ZSCAN25: variants seen among roughly 807,000 people sequenced by gnomAD.
ZSCAN25 encodes zinc finger and SCAN domain containing 25.
A neutral mutation model predicts 38.7 loss-of-function variants in ZSCAN25; 27 were observed. That is an observed-to-expected ratio of 0.70 (90% CI 0.51 to 0.96). The LOEUF (loss-of-function observed/expected upper bound fraction) is 0.96. Among genes scored for constraint, ZSCAN25 ranks in the 40% least tolerant of loss-of-function variants. The probability of loss-of-function intolerance (pLI) is 0.00; values close to 1 mark genes in which losing one functional copy is unlikely to be tolerated. For missense variants in ZSCAN25, 637 were observed against 705.9 expected (o/e 0.90, Z 1.11); for synonymous variants, 273 against 277.7 (o/e 0.98, Z 0.17).
At chr7:99,635,408 A>G (rs1361821960), downstream of ZSCAN25, among the ~76,000 whole-genome samples, 1 of 152,000 alleles carries the variant, frequency 6.6e-6, no homozygotes, top group African/African-American at 2.4e-5. Context: ...TTAGATTATA[A>G]TTTTTTTCTG....
the ZSCAN25 span, among the ~76,000 whole-genome samples, chr7:99,732,661 A>G: frequency 6.6e-6 from 1 of 152,156 alleles, no homozygotes; most frequent in Non-Finnish European, 1.5e-5. Context: ...GATGAAGCAG[A>G]AAAGTTGATG....
the ZSCAN25 span, among the ~76,000 whole-genome samples, chr7:99,652,018 C>A: frequency 1.3e-5 from 2 of 152,002 alleles, no homozygotes; most frequent in South Asian, 2.1e-4. Flanking sequence ...ACGTTGAAAG[C>A]AAATGGAATG....
Position 99,630,324 on chromosome 7 carries a change from G to A in ZSCAN25, c.*304G>A. 8.6e-7 allele frequency: 1 copy of A among 1,169,326 alleles called. No individual in the cohort carries two copies. Among genetic ancestry groups the A allele is most frequent in the Non-Finnish European group, 1.1e-6 (1 of 945,422 alleles). 72.4% of individuals were successfully genotyped at this position (1,169,326 alleles called of 1,614,324 possible). A position where few individuals can be genotyped will look rare whatever the true frequency, so the allele number is the denominator to read the frequency against. On this transcript the variant is annotated 3_prime_UTR_variant, in exon 8 of 8. Transcript: ENST00000394152. ...GTGTCCCCCTGCCGAACAAAGCTGG[G>A]AGTAAAGGCAAAACCTTGACACGTG...
chr7:99,663,514 T>G, the ZSCAN25 span: 2 of 991,406 alleles, frequency 2.0e-6, no homozygotes, highest in Non-Finnish European at 2.4e-6. Context: ...ACACTCACAT[T>G]TACCACACAC....
At chr7:99,704,675 C>T in the ZSCAN25 span, among the ~76,000 whole-genome samples, 2 of 151,956 alleles carry the variant, frequency 1.3e-5, no homozygotes, top group Non-Finnish European at 2.9e-5. Context: ...TGTTAATAAT[C>T]AAATTGGGCT....
At chr7:99,633,175 A>G (rs1397151577), downstream of ZSCAN25, among the ~76,000 whole-genome samples, 1 of 152,110 alleles carries the variant, frequency 6.6e-6, no homozygotes, top group Non-Finnish European at 1.5e-5. Context: ...TTCTGTTTGC[A>G]TACCCATGGC....
At chr7:99,682,358 A>G in the ZSCAN25 span, among the ~76,000 whole-genome samples, 5 of 152,240 alleles carry the variant, frequency 3.3e-5, no homozygotes, top group Non-Finnish European at 5.9e-5. Flanking sequence ...GTTAAAATCC[A>G]GCTTTCCCAG....
At chr7:99,619,219 C>T (rs1806715148) in intron 3 of ZSCAN25, 87 bp downstream of exon 3, 1 of 178,248 alleles carries the variant, frequency 5.6e-6, no homozygotes, top group African/African-American at 2.4e-5. Flanking sequence ...TTGTGTGTTG[C>T]ATGTATGTTT....
the ZSCAN25 span, among the ~76,000 whole-genome samples, chr7:99,685,747 GC>G: frequency 6.6e-6 from 1 of 152,274 alleles, no homozygotes; most frequent in East Asian, 1.9e-4. Flanking sequence ...ACTTTTCAAG[GC>G]TTGTCCTACC....
the ZSCAN25 span, among the ~76,000 whole-genome samples, chr7:99,729,441 A>C: frequency 1.3e-4 from 19 of 151,848 alleles, no homozygotes; most frequent in African/African-American, 4.4e-4. Flanking sequence ...ACCCCCCAAA[A>C]ATTTTTGCTG....
At chr7:99,722,427 T>C in the ZSCAN25 span, 15 of 1,547,430 alleles carry the variant, frequency 9.7e-6, no homozygotes, top group African/African-American at 1.4e-4. Flanking sequence ...TTGAAAACAG[T>C]CAAATCCAAT....
At chr7:99,687,993 G>A in the ZSCAN25 span, among the ~76,000 whole-genome samples, 2 of 152,122 alleles carry the variant, frequency 1.3e-5, no homozygotes, top group Non-Finnish European at 2.9e-5. Flanking sequence ...TCACCACCAG[G>A]CCTGCCCTAA....
downstream of ZSCAN25, among the ~76,000 whole-genome samples, chr7:99,632,757 T>G (rs1275297965): frequency 6.6e-6 from 1 of 152,146 alleles, no homozygotes; most frequent in African/African-American, 2.4e-5. Flanking sequence ...GCCATTGCAC[T>G]CCAGCCTGGG....
chr7:99,722,622 G>A, the ZSCAN25 span, among the ~76,000 whole-genome samples: 37 of 152,222 alleles, frequency 2.4e-4, no homozygotes, highest in East Asian at 6.0e-3. Context: ...TCTTTCTGAT[G>A]TCTCTTTGCT....
chr7:99,721,942 C>T, the ZSCAN25 span, among the ~76,000 whole-genome samples: 1 of 152,200 alleles, frequency 6.6e-6, no homozygotes, highest in South Asian at 2.1e-4. Flanking sequence ...GCAAGGACAC[C>T]TGCCCAGCAA....
the ZSCAN25 span, chr7:99,676,377 C>G: frequency 6.6e-7 from 1 of 1,521,002 alleles, no homozygotes; most frequent in South Asian, 1.1e-5. Flanking sequence ...AGGTCCTTTC[C>G]TGACTATTCT....
At chr7:99,635,476 A>G (rs192084989), downstream of ZSCAN25, among the ~76,000 whole-genome samples, 1 of 152,350 alleles carries the variant, frequency 6.6e-6, no homozygotes. Context: ...AACTACATCA[A>G]TTATAAACCT....
the ZSCAN25 span, among the ~76,000 whole-genome samples, chr7:99,704,693 G>A: frequency 5.2e-4 from 79 of 152,198 alleles, no homozygotes; most frequent in African/African-American, 1.7e-3. Context: ...GCTGGGCACC[G>A]TGGCTCATGC....
chr7:99,654,120 G>C, the ZSCAN25 span, among the ~76,000 whole-genome samples: 1 of 151,892 alleles, frequency 6.6e-6, no homozygotes, highest in Non-Finnish European at 1.5e-5. Context: ...TAGGGTACAT[G>C]TACACAACGT....
Sources: allele counts gnomAD v4.1 joint callset (sites outside exome capture counted in the v4.1 genomes callset), GRCh38; gene constraint gnomAD v4.1.1; transcripts MANE v1.5; gene names NCBI Gene and HGNC (gene_info 2026-07-23, HGNC 2026-07-21).